The following ZNF423 variants were observed in gnomAD, a reference collection of about 807,000 sequenced individuals.
ZNF423 encodes zinc finger protein 423, also known as Ebf-associated zinc finger protein.
In ZNF423, 12 loss-of-function variants were observed where a neutral mutation model predicts 95.8. That is an observed-to-expected ratio of 0.13 (90% CI 0.08 to 0.20). The LOEUF is 0.20. Ranked by LOEUF, ZNF423 falls within the 10% of genes least tolerant of loss-of-function variation. ZNF423 has a pLI of 1.00. For synonymous variants in ZNF423, 749 were observed against 711.9 expected, an observed-to-expected ratio of 1.05 and a Z score of -0.83; for missense variants, 1,316 against 1,737.1, an observed-to-expected ratio of 0.76 and a Z score of 4.31.
chr16:49,832,263 T>C (rs941854975), intron 1 of ZNF423, among the ~76,000 whole-genome samples: 15 of 152,230 alleles, frequency 9.9e-5, no homozygotes, highest in African/African-American at 3.6e-4. Flanking sequence ...CCAAGCCAGC[T>C]GACCGAGCTG....
intron 2 of ZNF423, among the ~76,000 whole-genome samples, chr16:49,750,313 G>A (rs1173600936): frequency 6.6e-6 from 1 of 152,172 alleles, no homozygotes; most frequent in African/African-American, 2.4e-5. Context: ...TAAATATGGG[G>A]CTTCAAGTCA....
At chr16:49,558,900 G>A (rs190478891) in intron 5 of ZNF423, among the ~76,000 whole-genome samples, 2 of 152,190 alleles carry the variant, frequency 1.3e-5, no homozygotes, top group African/African-American at 2.4e-5. Context: ...GTTTTGGGGG[G>A]GTCCCACCTG....
At chr16:49,590,574 C>T (rs1288098845) in intron 5 of ZNF423, among the ~76,000 whole-genome samples, 1 of 152,200 alleles carries the variant, frequency 6.6e-6, no homozygotes, top group African/African-American at 2.4e-5. Context: ...AGCTCCAGGG[C>T]ACCAGGGTGA....
At chr16:49,524,652 A>G (rs1968533398) in intron 6 of ZNF423, among the ~76,000 whole-genome samples, 3 of 152,220 alleles carry the variant, frequency 2.0e-5, no homozygotes, top group African/African-American at 7.2e-5. Context: ...GGCCCAGAGC[A>G]GCTGTGTGTC....
chr16:49,854,368 G>C (rs1281526266), intron 1 of ZNF423: 2 of 985,346 alleles, frequency 2.0e-6, no homozygotes, highest in Non-Finnish European at 2.4e-6. Flanking sequence ...CAGAACTGAC[G>C]AGTGTCTCAA....
chr16:49,795,645 C>T (rs561068338), intron 1 of ZNF423, among the ~76,000 whole-genome samples: 5 of 152,300 alleles, frequency 3.3e-5, no homozygotes, highest in African/African-American at 1.2e-4. Flanking sequence ...AACACTTCAC[C>T]GGACAGGGCC....
chr16:49,634,574 T>TCAGCAAACACCCC (rs1450188976), intron 4 of ZNF423, among the ~76,000 whole-genome samples: 1 of 152,040 alleles, frequency 6.6e-6, no homozygotes, highest in Admixed American at 6.5e-5. Flanking sequence ...AAAAACACCC[T>TCAGCAAACACCCC]CAGCAAACAC....
At chr16:49,767,779 A>C (rs569144465) in intron 2 of ZNF423, among the ~76,000 whole-genome samples, 2 of 152,302 alleles carry the variant, frequency 1.3e-5, no homozygotes, top group South Asian at 4.2e-4. Context: ...AATCCTCTGA[A>C]GTCCACGCAT....
At chr16:49,757,458 T>G (rs982469839) in intron 2 of ZNF423, among the ~76,000 whole-genome samples, 2 of 152,262 alleles carry the variant, frequency 1.3e-5, no homozygotes, top group Non-Finnish European at 2.9e-5. Flanking sequence ...AGCCACCTGC[T>G]TGAAGTTAAG....
At chr16:49,765,594 C>T (rs2033915634) in intron 2 of ZNF423, among the ~76,000 whole-genome samples, 1 of 151,944 alleles carries the variant, frequency 6.6e-6, no homozygotes, top group African/African-American at 2.4e-5. Flanking sequence ...GTAGCATGCA[C>T]CTGGAGTCCC....
chr16:49,732,914 A>T (rs746574747), intron 2 of ZNF423, among the ~76,000 whole-genome samples: 6 of 152,192 alleles, frequency 3.9e-5, no homozygotes, highest in Non-Finnish European at 8.8e-5. Context: ...GTAAAAATCA[A>T]TGTTTCCATT....
intron 5 of ZNF423, among the ~76,000 whole-genome samples, chr16:49,611,436 T>C (rs938133848): frequency 6.6e-6 from 1 of 152,000 alleles, no homozygotes; most frequent in African/African-American, 2.4e-5. Flanking sequence ...AATTTTTTAA[T>C]ACACTGAACT....
At chr16:49,655,315 G>T (rs2029865925) in intron 3 of ZNF423, among the ~76,000 whole-genome samples, 1 of 152,170 alleles carries the variant, frequency 6.6e-6, no homozygotes, top group Non-Finnish European at 1.5e-5. Context: ...TAGCTCATGA[G>T]TAAGTGGGAT....
intron 2 of ZNF423, among the ~76,000 whole-genome samples, chr16:49,761,154 T>C (rs999838787): frequency 1.3e-5 from 2 of 152,186 alleles, no homozygotes; most frequent in African/African-American, 4.8e-5. Flanking sequence ...TTGCCCTCTC[T>C]GTGACCTGGG....
At chr16:49,622,580 G>C (rs367761603) in intron 5 of ZNF423, among the ~76,000 whole-genome samples, 1 of 152,192 alleles carries the variant, frequency 6.6e-6, no homozygotes, top group Non-Finnish European at 1.5e-5. Flanking sequence ...CCTGTTCTGG[G>C]AGCACCCACA....
At chr16:49,776,432 C>T (rs555356467) in intron 2 of ZNF423, among the ~76,000 whole-genome samples, 2 of 152,322 alleles carry the variant, frequency 1.3e-5, no homozygotes, top group Non-Finnish European at 2.9e-5. Context: ...GGCCCTGCTC[C>T]GAGGCCACCC....
At chr16:49,594,554 G>T (rs936183870) in intron 5 of ZNF423, among the ~76,000 whole-genome samples, 15 of 151,978 alleles carry the variant, frequency 9.9e-5, no homozygotes, top group African/African-American at 3.6e-4. Flanking sequence ...CTCCAAGATA[G>T]ACACAAAAAC....
chr16:49,572,331 A>G (rs1244026045), intron 5 of ZNF423, among the ~76,000 whole-genome samples: 1 of 152,228 alleles, frequency 6.6e-6, no homozygotes, highest in Non-Finnish European at 1.5e-5. Flanking sequence ...GAGCAGGACC[A>G]CAGAGAGTGG....
intron 1 of ZNF423, among the ~76,000 whole-genome samples, chr16:49,827,641 G>A (rs561113719): frequency 3.3e-5 from 5 of 152,100 alleles, no homozygotes; most frequent in Admixed American, 6.5e-5. Context: ...TCAGCCTCTC[G>A]AGTAGCTGGG....
Sources: gnomAD v4.1 joint callset for allele counts (sites outside exome capture counted in the v4.1 genomes callset) on GRCh38, gnomAD v4.1.1 for gene constraint, MANE v1.5 for transcripts, NCBI Gene and HGNC (gene_info 2026-07-23, HGNC 2026-07-21) for gene names.